Variants in DAB1 observed in about 807,000 individuals in gnomAD.
DAB1 encodes DAB adaptor protein 1, also known as disabled homolog 1.
In DAB1, 15 loss-of-function variants were observed where a neutral mutation model predicts 64.6. The ratio of observed to expected loss-of-function variants is 0.23; its 90% confidence interval spans 0.16 to 0.36. DAB1 has a LOEUF of 0.36. Ranked by LOEUF, DAB1 falls within the 10% of genes least tolerant of loss-of-function variation. The pLI, the probability that DAB1 is intolerant of heterozygous loss-of-function variation, is 1.00. For missense variants in DAB1, 596 were observed against 706.7 expected (o/e 0.84, Z 1.78); for synonymous variants, 235 against 251.9 (o/e 0.93, Z 0.64).
chr1:58,539,107 A>G, intron 1 of DAB1: 1 of 872,958 alleles, frequency 1.1e-6, no homozygotes, highest in Non-Finnish European at 2.0e-6. Flanking sequence ...TCCAGGCAGA[A>G]AACTCCACCT....
intron 6 of DAB1, among the ~76,000 whole-genome samples, chr1:57,786,384 T>G (rs1650341271): frequency 6.6e-6 from 1 of 152,182 alleles, no homozygotes; most frequent in Non-Finnish European, 1.5e-5. Flanking sequence ...GGGCTTACTA[T>G]GTGCCAGGCA....
rs11333170 is a variant in DAB1 at position 57,176,972 on chromosome 1, T to TA, written c.68-31544dup. The stretch of plus-strand genomic sequence containing the variant: ...TAAAAAAAAGAAGCAGCAGCAGATA[T>TA]AAAAAAAAAAAAAAAAAAAAGCCCT... On this transcript the variant is annotated intron_variant, in intron 2 of 14. Transcript: ENST00000371236. 2.0e-3 allele frequency among the ~76,000 whole-genome samples: 148 copies of TA among 73,948 alleles called. 3 individuals carry two copies. The highest frequency in any genetic ancestry group is 0.012 in the South Asian group (18 of 1,510). The allele number at this position is 73,948 out of a possible 152,430, so 48.5% of individuals were successfully genotyped here. A position where few individuals can be genotyped will look rare whatever the true frequency, so the allele number is the denominator to read the frequency against.
At chr1:57,574,347 AT>A (rs1645225340) in intron 7 of DAB1, among the ~76,000 whole-genome samples, 1 of 152,164 alleles carries the variant, frequency 6.6e-6, no homozygotes, top group South Asian at 2.1e-4. Context: ...CAGGATGTGA[AT>A]TTGGCAGGCC....
At chr1:58,225,816 G>A (rs1419910860) in intron 4 of DAB1, among the ~76,000 whole-genome samples, 2 of 114,176 alleles carry the variant, frequency 1.8e-5, no homozygotes, top group Non-Finnish European at 3.5e-5. Context: ...GTTGTGGGGT[G>A]GGGGGAGGGG....
At chr1:57,477,916 TTAA>T (rs1042544378) in intron 7 of DAB1, among the ~76,000 whole-genome samples, 4 of 152,158 alleles carry the variant, frequency 2.6e-5, no homozygotes, top group African/African-American at 9.7e-5. Context: ...CCTATTTTTT[TTAA>T]TACTTTAAGT....
chr1:58,002,973 G>A (rs1646529335), intron 5 of DAB1, among the ~76,000 whole-genome samples: 1 of 152,058 alleles, frequency 6.6e-6, no homozygotes, highest in Admixed American at 6.6e-5. Flanking sequence ...TAAAATGTAT[G>A]GAGGAGCTCA....
At chr1:58,048,319 A>T (rs948928668) in intron 5 of DAB1, 4 of 1,135,144 alleles carry the variant, frequency 3.5e-6, no homozygotes, top group Non-Finnish European at 5.3e-6. Context: ...TCATGGGTCC[A>T]AAATTTGAAA....
chr1:58,465,276 C>A (rs697588), intron 3 of DAB1, among the ~76,000 whole-genome samples: 75,412 of 151,848 alleles, frequency 0.5, 19,062 homozygotes, highest in Non-Finnish European at 0.54. Context: ...GGACTGCAGT[C>A]CCCCTCTCCT....
chr1:57,163,283 G>A lies in DAB1; in HGVS notation c.68-17854C>T, dbSNP rs555748548. On this transcript the variant is annotated intron_variant, in intron 2 of 14. Transcript: ENST00000371236. ...ATGAAACAAGGAGTGACTGGGAAAG[G>A]GTGGGGAACAATTAATTTAGACAGG... Among the ~76,000 whole-genome samples, 48 of 152,312 alleles carry A rather than the reference G, an allele frequency of 3.2e-4. 1 individual carries two copies. The highest frequency in any genetic ancestry group is 8.7e-4 in the African/African-American group (36 of 41,578).
intron 4 of DAB1, among the ~76,000 whole-genome samples, chr1:58,298,536 G>A (rs1228604304): frequency 6.6e-6 from 1 of 152,256 alleles, no homozygotes; most frequent in African/African-American, 2.4e-5. Context: ...TGCAGAAGGA[G>A]CCTATGCCTC....
At position 58,444,998 on chromosome 1, in the gene DAB1, T is replaced by C. The variant is rs149132901; in HGVS notation, n.257+61062A>G. Reference sequence around the variant, plus strand: ...AACAAATAATCTTCTACCTCAAATATATATCAGCTCCACTACTTGCTAATT... The same window carrying C: ...AACAAATAATCTTCTACCTCAAATACATATCAGCTCCACTACTTGCTAATT... On this transcript the variant is annotated intron_variant and non_coding_transcript_variant, in intron 3 of 20. Coordinates refer to the DAB1 transcript ENST00000485760. Among the ~76,000 whole-genome samples, 27 of 152,336 alleles carry C rather than the reference T, an allele frequency of 1.8e-4. No individual in the cohort carries two copies. In the East Asian group the frequency reaches 5.2e-3, roughly 29 times the overall value.
At chr1:58,379,169 C>T (rs1000294803) in intron 3 of DAB1, among the ~76,000 whole-genome samples, 16 of 152,034 alleles carry the variant, frequency 1.1e-4, no homozygotes, top group Middle Eastern at 6.8e-3. Context: ...AGCTGTAGAC[C>T]GGAGCTGTTC....
intron 2 of DAB1, among the ~76,000 whole-genome samples, chr1:57,270,538 G>A (rs1013646295): frequency 4.6e-5 from 7 of 152,138 alleles, no homozygotes; most frequent in Non-Finnish European, 5.9e-5. Context: ...GAAGTAAATC[G>A]CCCATATTCA....
rs532700624 is a variant in DAB1, at chr1:58,243,506, C to T, written n.310-92918G>A. On this transcript the variant is annotated intron_variant and non_coding_transcript_variant, in intron 4 of 20. Transcript: ENST00000485760. ...GTTTCTCTTGTCCTCTGCAATATGGCTGGGGTTTTTTTTTAGTCCCAAGTG... is the reference window on the plus strand; with the variant it reads ...GTTTCTCTTGTCCTCTGCAATATGGTTGGGGTTTTTTTTTAGTCCCAAGTG... Among the ~76,000 whole-genome samples the T allele has an allele frequency of 2.4e-4, 37 of 152,108 alleles. No homozygotes were observed. The South Asian group carries it at 2.7e-3, about 11-fold the overall frequency.
chr1:58,294,865 C>CGTGTGTGTGTGTGTGTGTGT (rs55922554), intron 4 of DAB1, among the ~76,000 whole-genome samples: 35 of 137,724 alleles, frequency 2.5e-4, no homozygotes, highest in East Asian at 1.6e-3. Context: ...TGGTCCAGAA[C>CGTGTGTGTGTGTGTGTGTGT]GTGTGTGTGT....
intron 2 of DAB1, among the ~76,000 whole-genome samples, chr1:57,185,927 T>A (rs1663509316): frequency 1.3e-5 from 2 of 152,046 alleles, no homozygotes; most frequent in African/African-American, 4.8e-5. Context: ...CCGTGGACAA[T>A]TTTTAAACTC....
rs11577287 is a variant in DAB1, at chr1:57,937,973, C to A, written n.388-53811G>T. ...TGCATGATGTTACCTATAGTCAGGG[C>A]TAAGCTCTTGTTCAGATGCCCTCAT... is the stretch of plus-strand genomic sequence containing the variant. On this transcript the variant is annotated intron_variant and non_coding_transcript_variant, in intron 5 of 20. Transcript: ENST00000485760. Among the ~76,000 whole-genome samples, 319 of 152,338 alleles carry A rather than the reference C, an allele frequency of 2.1e-3. 2 individuals carry two copies. Among genetic ancestry groups the A allele is most frequent in the Non-Finnish European group, 3.5e-3 (237 of 68,034 alleles).
intron 3 of DAB1, among the ~76,000 whole-genome samples, chr1:58,387,338 C>T (rs911534007): frequency 1.3e-4 from 20 of 152,168 alleles, no homozygotes; most frequent in African/African-American, 4.8e-4. Context: ...AAGGAAATCA[C>T]AGGAGGATGA....
At chr1:57,217,889 G>A (rs1368846542) in intron 2 of DAB1, among the ~76,000 whole-genome samples, 1 of 151,824 alleles carries the variant, frequency 6.6e-6, no homozygotes, top group Non-Finnish European at 1.5e-5. Context: ...TACTCAAGCT[G>A]CAGGGGCGTA....
Sources: gnomAD v4.1 joint callset for allele counts (sites outside exome capture counted in the v4.1 genomes callset) on GRCh38, gnomAD v4.1.1 for gene constraint, MANE v1.5 for transcripts, NCBI Gene and HGNC (gene_info 2026-07-23, HGNC 2026-07-21) for gene names.